The following PTPRK variants were observed in gnomAD, a reference collection of about 807,000 sequenced individuals.
PTPRK encodes the protein receptor-type tyrosine-protein phosphatase kappa.
A neutral mutation model predicts 178.0 loss-of-function variants in PTPRK; 75 were observed. That is an observed-to-expected ratio of 0.42 (90% CI 0.35 to 0.51). The LOEUF is 0.51. PTPRK is among the 20% of genes least tolerant of loss of function. PTPRK has a pLI of 0.02. For missense variants in PTPRK, 1,441 were observed against 1,797.8 expected, an observed-to-expected ratio of 0.80 and a Z score of 3.59; for synonymous variants, 637 against 620.6, an observed-to-expected ratio of 1.03 and a Z score of -0.39.
chr6:127,991,713 C>A (rs555921816), intron 19 of PTPRK, among the ~76,000 whole-genome samples: 4 of 150,296 alleles, frequency 2.7e-5, no homozygotes, highest in African/African-American at 9.8e-5. Context: ...AAAAATAGAA[C>A]TCTTATACCA....
At position 128,394,327 on chromosome 6, in the gene PTPRK, A is replaced by T. The variant is rs118066116; in HGVS notation, c.223+3239T>A. On this transcript the variant is annotated intron_variant, in intron 2 of 29. Coordinates refer to ENST00000368226, the MANE Select transcript of PTPRK (RefSeq NM_002844.4). The stretch of plus-strand genomic sequence containing the variant: ...AACTATTATGAATGCTGATGCTATC[A>T]ACATTCTTGCACATGTCTTTTGGTG... 3.7e-3 allele frequency among the ~76,000 whole-genome samples: 570 copies of T among 152,198 alleles called. 1 individual carries two copies. The highest frequency in any genetic ancestry group is 3.8e-3 in the Non-Finnish European group (257 of 68,010).
chr6:128,197,418 G>T (rs1448670657), intron 6 of PTPRK, among the ~76,000 whole-genome samples: 1 of 151,784 alleles, frequency 6.6e-6, no homozygotes, highest in Non-Finnish European at 1.5e-5. Flanking sequence ...AAATTAATCA[G>T]AGAAGTATAC....
At chr6:128,051,437 G>A (rs1186069912) in intron 13 of PTPRK, among the ~76,000 whole-genome samples, 1 of 152,104 alleles carries the variant, frequency 6.6e-6, no homozygotes, top group Non-Finnish European at 1.5e-5. Flanking sequence ...CTAATTGAAT[G>A]CTCCCTTTTC....
chr6:128,236,495 C>T lies in PTPRK; in HGVS notation c.693+3540G>A, dbSNP rs149606896. On this transcript the variant is annotated intron_variant, in intron 5 of 29. Transcript: ENST00000368226. ...TGCCGAGTAGCTGGGACTAGATGCGCGCACCACCACGCCCGGCTAATTTTT... is the reference window on the plus strand; with the variant it reads ...TGCCGAGTAGCTGGGACTAGATGCGTGCACCACCACGCCCGGCTAATTTTT... Among the ~76,000 whole-genome samples, 501 of 151,768 alleles carry T rather than the reference C, an allele frequency of 3.3e-3. 2 individuals carry two copies. The highest frequency in any genetic ancestry group is 0.011 in the African/African-American group (469 of 41,378).
intron 1 of PTPRK, among the ~76,000 whole-genome samples, chr6:128,442,849 A>G (rs1200967995): frequency 6.6e-6 from 1 of 152,228 alleles, no homozygotes; most frequent in Non-Finnish European, 1.5e-5. Flanking sequence ...TAATTAACAT[A>G]GCCAGTACAT....
intron 3 of PTPRK, among the ~76,000 whole-genome samples, chr6:128,300,875 T>A (rs565869980): frequency 1.7e-4 from 26 of 151,870 alleles, no homozygotes; most frequent in Non-Finnish European, 2.7e-4. Flanking sequence ...AAATAAAATT[T>A]AAAAAAAATT....
chr6:128,366,372 A>G (rs955263338), intron 2 of PTPRK, among the ~76,000 whole-genome samples: 2 of 152,154 alleles, frequency 1.3e-5, no homozygotes, highest in African/African-American at 4.8e-5. Flanking sequence ...TATGTTTCAC[A>G]TCTCTTCTGT....
chr6:128,365,010 C>T (rs749306268), intron 2 of PTPRK, among the ~76,000 whole-genome samples: 23 of 151,866 alleles, frequency 1.5e-4, no homozygotes, highest in Non-Finnish European at 2.8e-4. Context: ...CTGTATTATT[C>T]ATGGTAAATT....
In PTPRK at chr6:128,082,530, G is replaced by A. The variant is rs150342971; in HGVS notation, c.1684C>T (p.His562Tyr). 1.3e-4 allele frequency: 209 copies of A among 1,612,978 alleles called. No individual in the cohort carries two copies. The African/African-American group carries it at 2.4e-3, about 19-fold the overall frequency. The change falls in exon 10 of 30, where the codon CAC (histidine) becomes TAC (tyrosine). Residue 562 changes from histidine to tyrosine, a missense_variant. Around this residue, in one of 4 missense-constraint regions of PTPRK, gnomAD observed 945 missense variants for 1,080.6 expected, o/e 0.87. Coordinates refer to ENST00000368226, the MANE Select transcript of PTPRK (RefSeq NM_002844.4). ...NSTHHVFMHL[H>Y]PGTTYQFFIR... ...AAAAACTGGTACGTGGTTCCAGGGT[G>A]GAGATGCATAAAGACATGGTGTGTA...
intron 3 of PTPRK, among the ~76,000 whole-genome samples, chr6:128,249,499 G>A (rs528407338): frequency 1.3e-5 from 2 of 152,200 alleles, no homozygotes; most frequent in African/African-American, 4.8e-5. Flanking sequence ...AGCTCTCCAT[G>A]AAGTTACTGG....
intron 13 of PTPRK, among the ~76,000 whole-genome samples, chr6:128,056,781 C>T (rs1479782028): frequency 6.6e-6 from 1 of 152,066 alleles, no homozygotes; most frequent in African/African-American, 2.4e-5. Flanking sequence ...GTTTGAAAAC[C>T]TGAACTGCAT....
At chr6:128,070,693 T>C (rs1249050660) in intron 11 of PTPRK, among the ~76,000 whole-genome samples, 1 of 152,010 alleles carries the variant, frequency 6.6e-6, no homozygotes, top group East Asian at 1.9e-4. Context: ...CCAGGAGAAA[T>C]GTCTTCATGA....
intron 7 of PTPRK, among the ~76,000 whole-genome samples, chr6:128,108,069 A>AACACACACACACACACAC (rs67513455): frequency 7.5e-6 from 1 of 133,808 alleles, no homozygotes; most frequent in Non-Finnish European, 1.6e-5. Flanking sequence ...TAAATAGCAA[A>AACACACACACACACACAC]ACACACACAC....
chr6:128,039,726 G>C (rs1480938781), intron 13 of PTPRK, among the ~76,000 whole-genome samples: 1 of 152,174 alleles, frequency 6.6e-6, no homozygotes, highest in Non-Finnish European at 1.5e-5. Context: ...ATTTAACACA[G>C]ATGTGGCCAA....
chr6:128,109,842 G>T (rs1790346572), intron 7 of PTPRK, among the ~76,000 whole-genome samples: 1 of 152,166 alleles, frequency 6.6e-6, no homozygotes, highest in Non-Finnish European at 1.5e-5. Context: ...AATGAGAAAG[G>T]ATGAAAAAAC....
intron 6 of PTPRK, among the ~76,000 whole-genome samples, chr6:128,194,541 C>T (rs1223882997): frequency 6.6e-6 from 1 of 152,152 alleles, no homozygotes; most frequent in African/African-American, 2.4e-5. Flanking sequence ...TTTAATACCT[C>T]ATTTCAGCTT....
At chr6:128,363,669 G>A (rs979615516) in intron 2 of PTPRK, among the ~76,000 whole-genome samples, 2 of 152,026 alleles carry the variant, frequency 1.3e-5, no homozygotes, top group African/African-American at 2.4e-5. Flanking sequence ...TTTCATCTGG[G>A]AATCAGTTTG....
intron 13 of PTPRK, among the ~76,000 whole-genome samples, chr6:128,034,744 G>C (rs912583822): frequency 8.5e-5 from 13 of 152,150 alleles, no homozygotes; most frequent in East Asian, 3.9e-4. Flanking sequence ...AGAAGGGTTA[G>C]ACAATCAGAA....
At chr6:128,270,205 TTAAAA>T (rs1819591840) in intron 3 of PTPRK, among the ~76,000 whole-genome samples, 3 of 152,114 alleles carry the variant, frequency 2.0e-5, no homozygotes, top group South Asian at 4.1e-4. Context: ...CCATGTGTTA[TTAAAA>T]TAAAAGAAAA....
Sources: allele counts gnomAD v4.1 joint callset (sites outside exome capture counted in the v4.1 genomes callset), GRCh38; gene constraint gnomAD v4.1.1; regional missense constraint gnomAD v4.1.1; transcripts MANE v1.5; gene names NCBI Gene and HGNC (gene_info 2026-07-23, HGNC 2026-07-21).